The following RYR2 variants were observed in gnomAD, a reference collection of about 807,000 sequenced individuals.
RYR2 encodes cardiac muscle ryanodine receptor-calcium release channel.
In RYR2, 227 loss-of-function variants were observed where a neutral mutation model predicts 601.1. That is an observed-to-expected ratio of 0.38 (90% CI 0.34 to 0.42). RYR2 has a LOEUF of 0.42. Ranked by LOEUF, RYR2 falls within the 10% of genes least tolerant of loss-of-function variation. RYR2 has a pLI of 1.00. For synonymous variants in RYR2, 2,223 were observed against 2,175.1 expected (o/e 1.02, Z -0.61); for missense variants, 4,646 against 6,156.5 (o/e 0.75, Z 8.21).
intron 47 of RYR2, among the ~76,000 whole-genome samples, chr1:237,641,875 A>G (rs1452919897): frequency 6.6e-6 from 1 of 152,178 alleles, no homozygotes; most frequent in Non-Finnish European, 1.5e-5. Flanking sequence ...TTTGACCCAA[A>G]TGAAATTAAA....
intron 2 of RYR2, among the ~76,000 whole-genome samples, chr1:237,299,654 G>A (rs893471387): frequency 3.9e-5 from 6 of 152,068 alleles, no homozygotes; most frequent in African/African-American, 1.4e-4. Context: ...TTATACTGCC[G>A]GCTAATAAAA....
At chr1:237,768,013 T>G (rs2149301280) in intron 84 of RYR2, among the ~76,000 whole-genome samples, 1 of 152,310 alleles carries the variant, frequency 6.6e-6, no homozygotes, top group South Asian at 2.1e-4. Context: ...AAAGAGAATG[T>G]TAGTCTTTTG....
At chr1:237,727,313 G>T in intron 76 of RYR2, 114 bp downstream of exon 76, 1 of 450,834 alleles carries the variant, frequency 2.2e-6, no homozygotes, top group Non-Finnish European at 3.9e-6. Context: ...GGATGGAAAA[G>T]CTTTATTGAT....
chr1:237,581,695 C>G (rs1673932511), intron 29 of RYR2, among the ~76,000 whole-genome samples: 1 of 152,182 alleles, frequency 6.6e-6, no homozygotes, highest in African/African-American at 2.4e-5. Flanking sequence ...GTTAGTAGGT[C>G]TGTACCATCC....
intron 1 of RYR2, among the ~76,000 whole-genome samples, chr1:237,197,137 G>A (rs767082719): frequency 2.0e-5 from 3 of 152,062 alleles, no homozygotes; most frequent in Non-Finnish European, 4.4e-5. Flanking sequence ...TTGCTGAATT[G>A]TCATTCAGAT....
chr1:237,498,370 G>C lies in RYR2; in HGVS notation c.2203+1618G>C, dbSNP rs186297579. On this transcript the variant is annotated intron_variant, in intron 20 of 104. Coordinates refer to ENST00000366574, the MANE Select transcript of RYR2 (RefSeq NM_001035.3). ...ACAGGAAAATTGTCCTGCTGACCAA[G>C]CAGAGAGAAAGAGCCCTAACTTCAG... Among the ~76,000 whole-genome samples, 176 of 152,182 alleles carry C rather than the reference G, an allele frequency of 1.2e-3. 1 individual carries two copies. Among genetic ancestry groups the C allele is most frequent in the African/African-American group, 3.9e-3 (162 of 41,530 alleles).
chr1:237,434,818 C>T (rs1707178797), intron 12 of RYR2, among the ~76,000 whole-genome samples: 1 of 152,134 alleles, frequency 6.6e-6, no homozygotes, highest in Non-Finnish European at 1.5e-5. Flanking sequence ...CTCTGTCACT[C>T]AGACTGGAGT....
chr1:237,776,327 G>C (rs1021523771), intron 87 of RYR2, among the ~76,000 whole-genome samples: 1 of 152,170 alleles, frequency 6.6e-6, no homozygotes, highest in Non-Finnish European at 1.5e-5. Flanking sequence ...CATTAAATGA[G>C]CTGGATTTAA....
chr1:237,240,507 C>G (rs1262490716), intron 1 of RYR2, among the ~76,000 whole-genome samples: 1 of 151,788 alleles, frequency 6.6e-6, no homozygotes, highest in Non-Finnish European at 1.5e-5. Context: ...GCCTTGAGTA[C>G]CATACTATAA....
Position 237,590,709 on chromosome 1 carries a change from C to G in RYR2, c.3877C>G (p.Gln1293Glu), listed in dbSNP as rs962100875. ...LKVTQKSFGS[Q>E]NSNTDIMFYR... is the part of the protein sequence containing the mutation. ...GGTCACTCAGAAGTCTTTTGGTTCTCAGAACAGCAACACTGATATCATGTT... is the reference window on the plus strand; with the variant it reads ...GGTCACTCAGAAGTCTTTTGGTTCTGAGAACAGCAACACTGATATCATGTT... Residue 1293 changes from glutamine to glutamate, a missense_variant, in exon 31 of 105, where the codon CAG becomes GAG. By Grantham distance (29) the Gln-to-Glu change is conservative. Transcript: ENST00000366574. 3.7e-6 allele frequency: 6 copies of G among 1,602,412 alleles called. No individual in the cohort carries two copies. The African/African-American group carries it at 8.0e-5, about 21-fold the overall frequency.
At chr1:237,263,437 T>C (rs543555473) in intron 1 of RYR2, among the ~76,000 whole-genome samples, 8 of 152,298 alleles carry the variant, frequency 5.3e-5, no homozygotes, top group African/African-American at 1.7e-4. Flanking sequence ...TTGGAACCCA[T>C]AGAAATGGAC....
At chr1:237,197,917 G>C (rs1680743090) in intron 1 of RYR2, among the ~76,000 whole-genome samples, 1 of 152,200 alleles carries the variant, frequency 6.6e-6, no homozygotes. Context: ...GGGAACTACT[G>C]AGGGAACTGG....
chr1:237,367,270 A>G (rs963380294), intron 5 of RYR2, among the ~76,000 whole-genome samples: 4 of 151,760 alleles, frequency 2.6e-5, no homozygotes, highest in Admixed American at 1.3e-4. Flanking sequence ...TAATTTTTGT[A>G]TTTTTGTATT....
At chr1:237,267,522 GA>G in intron 1 of RYR2, 1 of 214,014 alleles carries the variant, frequency 4.7e-6, no homozygotes. Flanking sequence ...TCTGCCTCAA[GA>G]AAAGAAAAAA....
intron 1 of RYR2, chr1:237,120,697 G>GGCTTTGTATC (rs1670673264): frequency 6.6e-6 from 1 of 152,230 alleles, no homozygotes; most frequent in Middle Eastern, 3.2e-3. Context: ...TGCTTTGTGG[G>GGCTTTGTATC]GCTTTGTATC....
chr1:237,279,499 A>G (rs1479912249), intron 2 of RYR2, among the ~76,000 whole-genome samples: 2 of 152,192 alleles, frequency 1.3e-5, no homozygotes, highest in African/African-American at 2.4e-5. Context: ...CATTAAATCA[A>G]TTAATTAAAT....
chr1:237,403,102 G>A (rs1703536075), intron 10 of RYR2, among the ~76,000 whole-genome samples: 1 of 152,160 alleles, frequency 6.6e-6, no homozygotes. Flanking sequence ...ACTCACAGGT[G>A]CGTGGAGTAA....
At chr1:237,493,560 G>A (rs1448548868) in intron 19 of RYR2, among the ~76,000 whole-genome samples, 1 of 151,960 alleles carries the variant, frequency 6.6e-6, no homozygotes, top group Non-Finnish European at 1.5e-5. Flanking sequence ...TCAGGCCATT[G>A]TCCTGCCTCA....
chr1:237,084,017 C>G (rs1666031275), intron 1 of RYR2, among the ~76,000 whole-genome samples: 1 of 152,098 alleles, frequency 6.6e-6, no homozygotes, highest in African/African-American at 2.4e-5. Context: ...TTTTATGACC[C>G]ACCTCTGTTC....
Sources: gnomAD v4.1 joint callset for allele counts (sites outside exome capture counted in the v4.1 genomes callset) on GRCh38, gnomAD v4.1.1 for gene constraint, MANE v1.5 for transcripts, NCBI Gene and HGNC (gene_info 2026-07-23, HGNC 2026-07-21) for gene names.